Variants in EEF2K observed in about 807,000 individuals in gnomAD.
EEF2K encodes the protein alternative protein EEF2K.
In EEF2K, 70 loss-of-function variants were observed where a neutral mutation model predicts 93.8. The ratio of observed to expected loss-of-function variants is 0.75; its 90% CI spans 0.62 to 0.91. EEF2K has a LOEUF of 0.91. EEF2K is among the 40% of genes least tolerant of loss of function. The pLI, the probability that EEF2K is intolerant of heterozygous loss-of-function variation, is 0.00. For missense variants in EEF2K, 935 were observed against 972.9 expected (o/e 0.96, Z 0.52); for synonymous variants, 376 against 380.8 (o/e 0.99, Z 0.15).
intron 15 of EEF2K, among the ~76,000 whole-genome samples, chr16:22,268,826 A>G (rs757391742): frequency 6.6e-6 from 1 of 151,714 alleles, no homozygotes; most frequent in Non-Finnish European, 1.5e-5. Flanking sequence ...GTGTGGTGGC[A>G]TGCGCCTGTA....
At position 22,266,754 on chromosome 16, in the gene EEF2K, C is replaced by A. The variant is rs1365193012; in HGVS notation, c.1642C>A (p.Gln548Lys). 1 of 1,614,078 alleles carries A rather than the reference C, an allele frequency of 6.2e-7. No individual in the cohort carries two copies. Among genetic ancestry groups the A allele is most frequent in the African/African-American group, 1.3e-5 (1 of 74,936 alleles). ...CTGCGAGAAGGGCGAGGAGTGGGACCAGGAGTCGGCTGTCTTCCACCTGGA... is the reference window on the plus strand; with the variant it reads ...CTGCGAGAAGGGCGAGGAGTGGGACAAGGAGTCGGCTGTCTTCCACCTGGA... ...RFCEKGEEWD[Q>K]ESAVFHLEHA... The change falls in exon 15 of 18, where the codon CAG (glutamine) becomes AAG (lysine). Residue 548 changes from glutamine (Q) to lysine (K), a missense_variant. Transcript: ENST00000263026.
chr16:22,280,704 G>T (rs1479938570), intron 17 of EEF2K, among the ~76,000 whole-genome samples: 4 of 139,492 alleles, frequency 2.9e-5, no homozygotes, highest in African/African-American at 1.1e-4. Context: ...TCGCTCTATA[G>T]CCCAGACTGG....
At chr16:22,220,076 G>A (rs919539222) in intron 1 of EEF2K, among the ~76,000 whole-genome samples, 10 of 152,340 alleles carry the variant, frequency 6.6e-5, no homozygotes, top group South Asian at 2.1e-4. Flanking sequence ...GAGTGGCCAC[G>A]TGACATGCTT....
chr16:22,281,604 T>A (rs2047693323), intron 17 of EEF2K, among the ~76,000 whole-genome samples: 1 of 152,158 alleles, frequency 6.6e-6, no homozygotes, highest in Admixed American at 6.6e-5. Flanking sequence ...TCCAGAACAT[T>A]TCCATCACCC....
intron 15 of EEF2K, 36 bp from the exon 16 acceptor site, chr16:22,273,590 C>T (rs1461550341): frequency 4.3e-6 from 7 of 1,610,410 alleles, no homozygotes; most frequent in South Asian, 1.1e-5. Flanking sequence ...AAGCCTCATT[C>T]ACTCTTCTTT....
rs748841544 is a variant in EEF2K at position 22,258,675 on chromosome 16, GC to G, written c.1213del (p.Gln405ArgfsTer3). On this transcript the variant is annotated frameshift_variant, in exon 10 of 18. Coordinates refer to ENST00000263026, the MANE Select transcript of EEF2K (RefSeq NM_013302.5). LOFTEE classifies it high-confidence loss of function. The part of the protein sequence containing the change: ...PSSPSSATPH[S>X]QKLDHLHWPV... Reference sequence around the variant, plus strand: ...TCCCCATCTTCGGCCACACCACACAGCCAGAAGCTAGACCACCTCCGTGAGT... The same window carrying G: ...TCCCCATCTTCGGCCACACCACACAGCAGAAGCTAGACCACCTCCGTGAGT... 1 of 1,614,156 alleles carries G rather than the reference GC, an allele frequency of 6.2e-7. No individual in the cohort carries two copies. The highest frequency in any genetic ancestry group is 8.5e-7 in the Non-Finnish European group (1 of 1,180,034).
intron 17 of EEF2K, among the ~76,000 whole-genome samples, chr16:22,281,061 CA>C (rs1389738913): frequency 1.3e-5 from 2 of 151,734 alleles, no homozygotes; most frequent in Admixed American, 1.3e-4. Context: ...CAGCCTCCTG[CA>C]TAGCTGGGAC....
intron 15 of EEF2K, among the ~76,000 whole-genome samples, chr16:22,268,889 G>A (rs952398964): frequency 1.3e-5 from 2 of 151,712 alleles, no homozygotes; most frequent in Non-Finnish European, 2.9e-5. Flanking sequence ...CCTGGGAGAC[G>A]GAGGTTGCAG....
At chr16:22,259,978 C>T (rs2047446354) in intron 10 of EEF2K, among the ~76,000 whole-genome samples, 1 of 152,090 alleles carries the variant, frequency 6.6e-6, no homozygotes, top group Non-Finnish European at 1.5e-5. Flanking sequence ...GTCTTGAACT[C>T]CTGACCTCAG....
At chr16:22,240,007 G>A (rs1328710959) in intron 2 of EEF2K, among the ~76,000 whole-genome samples, 1 of 151,744 alleles carries the variant, frequency 6.6e-6, no homozygotes, top group Non-Finnish European at 1.5e-5. Context: ...GGAGGCTGAG[G>A]CAGGAGAATC....
intron 11 of EEF2K, among the ~76,000 whole-genome samples, chr16:22,261,745 CTGTAA>C (rs1190742215): frequency 6.6e-6 from 1 of 151,764 alleles, no homozygotes; most frequent in Non-Finnish European, 1.5e-5. Context: ...TGGCTCACAC[CTGTAA>C]TCCCAGCACT....
At chr16:22,260,411 G>A (rs2047450597) in intron 10 of EEF2K, 51 bp from the exon 11 acceptor site, 2 of 1,604,402 alleles carry the variant, frequency 1.2e-6, no homozygotes, top group South Asian at 2.2e-5. Context: ...TTGGTCTTAT[G>A]CATGTTCCAG....
chr16:22,247,037 C>CAAAAAAAAA (rs57073413), intron 3 of EEF2K, among the ~76,000 whole-genome samples: 6 of 13,698 alleles, frequency 4.4e-4, no homozygotes, highest in Non-Finnish European at 8.3e-4. Context: ...GACTCCATCT[C>CAAAAAAAAA]AAAAAAAAAA....
chr16:22,267,714 C>G (rs1412396088), intron 15 of EEF2K, among the ~76,000 whole-genome samples: 2 of 152,064 alleles, frequency 1.3e-5, no homozygotes. Context: ...TGCTTAGGCC[C>G]AGAGGTGAGA....
intron 2 of EEF2K, among the ~76,000 whole-genome samples, chr16:22,231,604 T>C (rs868798147): frequency 6.6e-6 from 1 of 152,136 alleles, no homozygotes; most frequent in South Asian, 2.1e-4. Context: ...GTATCACTTA[T>C]GTGGAGAAAA....
chr16:22,245,474 C>G (rs1423708105), intron 3 of EEF2K, among the ~76,000 whole-genome samples: 1 of 152,006 alleles, frequency 6.6e-6, no homozygotes, highest in African/African-American at 2.4e-5. Context: ...TGCCAGGCCT[C>G]TGCTTGTTTT....
chr16:22,245,047 A>G (rs370233272), intron 3 of EEF2K, among the ~76,000 whole-genome samples: 32 of 152,122 alleles, frequency 2.1e-4, no homozygotes, highest in African/African-American at 7.2e-4. Context: ...AGATCACTTG[A>G]GGTCAGGAGT....
chr16:22,257,488 C>G, intron 8 of EEF2K, 103 bp downstream of exon 8: 1 of 1,552,692 alleles, frequency 6.4e-7, no homozygotes. Context: ...ACTGTACGCG[C>G]TTTTTCAAGA....
At chr16:22,269,840 C>T (rs1326695109) in intron 15 of EEF2K, among the ~76,000 whole-genome samples, 1 of 152,162 alleles carries the variant, frequency 6.6e-6, no homozygotes, top group Non-Finnish European at 1.5e-5. Context: ...TATTTTCACC[C>T]TGCTTTTTCC....
Sources: allele counts gnomAD v4.1 joint callset (sites outside exome capture counted in the v4.1 genomes callset), GRCh38; gene constraint gnomAD v4.1.1; transcripts MANE v1.5; gene names NCBI Gene and HGNC (gene_info 2026-07-23, HGNC 2026-07-21).